SLC4A4: variants seen among roughly 807,000 people sequenced by gnomAD.
SLC4A4 encodes the protein electrogenic sodium bicarbonate cotransporter 1.
A neutral mutation model predicts 111.5 loss-of-function variants in SLC4A4; 27 were observed. The ratio of observed to expected loss-of-function variants is 0.24; its 90% confidence interval spans 0.18 to 0.33. SLC4A4 has a LOEUF of 0.33. Among genes scored for constraint, SLC4A4 ranks in the 10% least tolerant of loss-of-function variants. The pLI, the probability that SLC4A4 is intolerant of heterozygous loss-of-function variation, is 1.00. For synonymous variants in SLC4A4, 443 were observed against 463.4 expected, an observed-to-expected ratio of 0.96 and a Z score of 0.57; for missense variants, 909 against 1,315.5, an observed-to-expected ratio of 0.69 and a Z score of 4.78.
chr4:71,489,473 C>T (rs1332272087), intron 15 of SLC4A4, among the ~76,000 whole-genome samples: 1 of 151,692 alleles, frequency 6.6e-6, no homozygotes, highest in Non-Finnish European at 1.5e-5. Context: ...CTCAAAGGTA[C>T]TGTGAGTGTC....
At chr4:71,370,311 A>G (rs1052896056) in intron 6 of SLC4A4, among the ~76,000 whole-genome samples, 2 of 152,218 alleles carry the variant, frequency 1.3e-5, no homozygotes, top group African/African-American at 4.8e-5. Context: ...AAGTTAAAGT[A>G]TAGGAAACTT....
chr4:71,311,304 G>A (rs1345010892), intron 3 of SLC4A4, among the ~76,000 whole-genome samples: 1 of 152,080 alleles, frequency 6.6e-6, no homozygotes, highest in African/African-American at 2.4e-5. Flanking sequence ...AAATTAACAA[G>A]GATATTCACA....
At chr4:71,243,026 A>G (rs1010057387) in intron 2 of SLC4A4, among the ~76,000 whole-genome samples, 3 of 152,180 alleles carry the variant, frequency 2.0e-5, no homozygotes, top group Non-Finnish European at 2.9e-5. Context: ...GCTCTGATAC[A>G]CATTATCCTT....
At chr4:71,330,735 G>T (rs1401304441) in intron 3 of SLC4A4, among the ~76,000 whole-genome samples, 2 of 152,026 alleles carry the variant, frequency 1.3e-5, no homozygotes, top group Non-Finnish European at 2.9e-5. Flanking sequence ...TTGACAAATG[G>T]GATGTAATTA....
At chr4:71,159,806 T>C (rs1419743886) in intron 2 of SLC4A4, among the ~76,000 whole-genome samples, 1 of 152,218 alleles carries the variant, frequency 6.6e-6, no homozygotes, top group Non-Finnish European at 1.5e-5. Flanking sequence ...GATGATCAAC[T>C]AGCCTATATA....
At chr4:71,541,785 A>G (rs968326373) in intron 18 of SLC4A4, among the ~76,000 whole-genome samples, 3 of 152,048 alleles carry the variant, frequency 2.0e-5, no homozygotes, top group Non-Finnish European at 4.4e-5. Flanking sequence ...GCTGCTGCAT[A>G]ATCCAGGAGA....
intron 3 of SLC4A4, among the ~76,000 whole-genome samples, chr4:71,293,253 A>T (rs1724519509): frequency 6.6e-6 from 1 of 151,352 alleles, no homozygotes; most frequent in Admixed American, 6.6e-5. Context: ...GGAGAAACAC[A>T]AGTATTATCA....
intron 3 of SLC4A4, among the ~76,000 whole-genome samples, chr4:71,272,892 GAA>G (rs1722796107): frequency 6.6e-6 from 1 of 152,182 alleles, no homozygotes; most frequent in Admixed American, 6.5e-5. Context: ...TTAATTTTGG[GAA>G]ATGCAGCCAA....
In SLC4A4 at chr4:71,497,384, AT is replaced by A. The variant is rs1010843646; in HGVS notation, c.1975-113del. On this transcript the variant is annotated intron_variant, in intron 15 of 25. Coordinates refer to ENST00000264485, the MANE Select transcript of SLC4A4 (RefSeq NM_001098484.3). The stretch of plus-strand genomic sequence containing the variant: ...CATCAAGTTTCACCCTCCAGTGCTT[AT>A]TTTCAAACTGTTTTACAGAAACTTT... The A allele has an allele frequency of 8.2e-6, 7 of 850,054 alleles. No individual in the cohort carries two copies. The African/African-American group carries it at 1.2e-4, about 14-fold the overall frequency. 52.7% of individuals were successfully genotyped at this position (850,054 alleles called of 1,614,324 possible).
chr4:71,510,544 C>A (rs1401708570), intron 16 of SLC4A4, among the ~76,000 whole-genome samples: 3 of 151,900 alleles, frequency 2.0e-5, no homozygotes, highest in Non-Finnish European at 4.4e-5. Context: ...TTATCTGATG[C>A]AAATACAGAC....
chr4:71,152,611 A>G (rs1233680976), intron 2 of SLC4A4, among the ~76,000 whole-genome samples: 2 of 152,084 alleles, frequency 1.3e-5, no homozygotes, highest in Non-Finnish European at 2.9e-5. Flanking sequence ...TTCTTTCACT[A>G]TTATGACCTG....
intron 13 of SLC4A4, among the ~76,000 whole-genome samples, chr4:71,469,799 T>C (rs892642805): frequency 9.2e-5 from 14 of 152,006 alleles, no homozygotes; most frequent in African/African-American, 3.4e-4. Context: ...TGGGTCATTC[T>C]TGTTGAACTA....
chr4:71,075,225 G>A (rs545113354), intron 1 of SLC4A4, among the ~76,000 whole-genome samples: 2 of 152,166 alleles, frequency 1.3e-5, no homozygotes, highest in Non-Finnish European at 2.9e-5. Flanking sequence ...TCTATGTTAG[G>A]ATCTTAAAGT....
intron 12 of SLC4A4, among the ~76,000 whole-genome samples, chr4:71,463,367 C>T (rs752990590): frequency 2.6e-5 from 4 of 152,124 alleles, no homozygotes; most frequent in Non-Finnish European, 5.9e-5. Context: ...TTATAAATTG[C>T]TTTAAACTTT....
chr4:71,099,361 C>A (rs1306270739), intron 2 of SLC4A4, among the ~76,000 whole-genome samples: 1 of 152,026 alleles, frequency 6.6e-6, no homozygotes, highest in African/African-American at 2.4e-5. Flanking sequence ...GGGTAAATAA[C>A]AAAATTGAGG....
chr4:71,131,494 G>A (rs1743705983), intron 2 of SLC4A4, among the ~76,000 whole-genome samples: 1 of 152,168 alleles, frequency 6.6e-6, no homozygotes, highest in South Asian at 2.1e-4. Flanking sequence ...AACATTTCAA[G>A]GTTCTAATTA....
chr4:71,181,325 C>G (rs1243319567), intron 2 of SLC4A4, among the ~76,000 whole-genome samples: 3 of 152,028 alleles, frequency 2.0e-5, no homozygotes, highest in Non-Finnish European at 4.4e-5. Context: ...TGTAACTAAC[C>G]TGCACATTGT....
Position 71,546,450 on chromosome 4 carries a change from C to T in SLC4A4, c.2543C>T (p.Ser848Phe). The T allele has an allele frequency of 1.2e-6, 2 of 1,612,846 alleles. No individual in the cohort carries two copies. Among genetic ancestry groups the T allele is most frequent in the Non-Finnish European group, 8.5e-7 (1 of 1,179,162 alleles). The change falls in exon 19 of 26, where the codon TCC (serine) becomes TTC (phenylalanine). Residue 848 changes from serine (S) to phenylalanine (F), a missense_variant. This residue lies in a region of SLC4A4 where 104 missense variants were observed against 219.5 expected (regional missense o/e 0.47). Transcript: ENST00000264485. Reference sequence around the variant, plus strand: ...TGGTATGTAGCTGCTACGGTCATCTCCATTGCTCACATCGACAGTTTGAAG... The same window carrying T: ...TGGTATGTAGCTGCTACGGTCATCTTCATTGCTCACATCGACAGTTTGAAG... ...LPWYVAATVI[S>F]IAHIDSLKME...
chr4:71,557,961 C>T, intron 22 of SLC4A4, 76 bp downstream of exon 22: 1 of 1,317,186 alleles, frequency 7.6e-7, no homozygotes, highest in Non-Finnish European at 1.1e-6. Context: ...GGAAGACACA[C>T]ATGTCTTTTA....
Sources: allele counts gnomAD v4.1 joint callset (sites outside exome capture counted in the v4.1 genomes callset), GRCh38; gene constraint gnomAD v4.1.1; regional missense constraint gnomAD v4.1.1; transcripts MANE v1.5; gene names NCBI Gene and HGNC (gene_info 2026-07-23, HGNC 2026-07-21).